ACTMAP: variants seen among roughly 807,000 people sequenced by gnomAD.
ACTMAP encodes actin maturation protease, also known as UPF0692 protein C19orf54.
chr19:40,743,990 A>C, the ACTMAP span: 13 of 1,613,972 alleles, frequency 8.1e-6, no homozygotes, highest in Non-Finnish European at 1.1e-5. Context: ...TGCTGGCATT[A>C]AGGTAAAAAC....
the ACTMAP span, chr19:40,744,877 CT>C: frequency 1.1e-6 from 1 of 909,764 alleles, no homozygotes; most frequent in Non-Finnish European, 1.6e-6. Context: ...GAGAGGTCAC[CT>C]GAGCTTCCTG....
the ACTMAP span, chr19:40,744,018 A>G: frequency 1.9e-6 from 3 of 1,613,842 alleles, no homozygotes; most frequent in Non-Finnish European, 1.7e-6. Context: ...TGGCCCTGGG[A>G]CCCACCCTTT....
the ACTMAP span, chr19:40,750,002 A>C: frequency 1.5e-4 from 70 of 467,184 alleles, no homozygotes; most frequent in Admixed American, 6.5e-4. Context: ...GACTCAAGTC[A>C]TAAGGCACCT....
chr19:40,749,409 C>T, the ACTMAP span: 5 of 1,415,196 alleles, frequency 3.5e-6, no homozygotes, highest in Admixed American at 5.0e-5. Flanking sequence ...CGGGAACCCC[C>T]CCCCCACCCC....
chr19:40,741,640 G>T, the ACTMAP span: 4 of 442,216 alleles, frequency 9.0e-6, no homozygotes, highest in Admixed American at 9.5e-5. Flanking sequence ...ATAATGTTCA[G>T]GGAGCCAGGA....
the ACTMAP span, chr19:40,742,536 G>A: frequency 6.3e-7 from 1 of 1,579,314 alleles, no homozygotes; most frequent in Non-Finnish European, 8.6e-7. Context: ...AGTGGCCCGT[G>A]AGGGCGAGAA....
the ACTMAP span, chr19:40,742,510 C>G: frequency 4.0e-5 from 61 of 1,535,362 alleles, no homozygotes; most frequent in South Asian, 7.8e-4. Flanking sequence ...ACGGGCACCA[C>G]GTACACCCGG....
chr19:40,747,980 T>A, the ACTMAP span, among the ~76,000 whole-genome samples: 1 of 152,210 alleles, frequency 6.6e-6, no homozygotes, highest in African/African-American at 2.4e-5. Context: ...TTCACTTCTA[T>A]GAGCCTCAGT....
the ACTMAP span, among the ~76,000 whole-genome samples, chr19:40,747,269 G>C: frequency 6.6e-6 from 1 of 151,818 alleles, no homozygotes; most frequent in African/African-American, 2.4e-5. Flanking sequence ...GGGTGCAGCA[G>C]CTCACGCCTG....
At chr19:40,745,004 C>G in the ACTMAP span, 1 of 1,213,250 alleles carries the variant, frequency 8.2e-7, no homozygotes, top group Non-Finnish European at 1.2e-6. Context: ...AAAGTTCCCC[C>G]TTTCCTTCCC....
the ACTMAP span, chr19:40,744,064 TA>T: frequency 6.2e-6 from 10 of 1,613,856 alleles, no homozygotes; most frequent in Non-Finnish European, 8.5e-6. Context: ...GGCCCTGGGA[TA>T]CGGGATGAGC....
chr19:40,741,132 T>C, the ACTMAP span: 1 of 399,904 alleles, frequency 2.5e-6, no homozygotes. Context: ...CTCTTTACCC[T>C]GATCACTGGT....
chr19:40,743,881 GCAGA>G, the ACTMAP span: 13 of 1,612,298 alleles, frequency 8.1e-6, no homozygotes, highest in Admixed American at 1.7e-5. Context: ...GTTGAGGGGT[GCAGA>G]CAAAGGAGGG....
the ACTMAP span, chr19:40,743,904 C>A: frequency 6.2e-7 from 1 of 1,613,990 alleles, no homozygotes; most frequent in Admixed American, 1.7e-5. Flanking sequence ...GGGGAACCCA[C>A]CTGCACTCAC....
the ACTMAP span, among the ~76,000 whole-genome samples, chr19:40,748,814 G>A: frequency 6.6e-5 from 10 of 152,022 alleles, no homozygotes; most frequent in Admixed American, 3.3e-4. Context: ...GCATTTGCAC[G>A]ACTTGCTCAA....
chr19:40,744,974 G>T, the ACTMAP span: 1 of 884,620 alleles, frequency 1.1e-6, no homozygotes, highest in Non-Finnish European at 1.8e-6. Context: ...TACTATGCAG[G>T]CACTCAGAAG....
chr19:40,749,773 G>T, the ACTMAP span: 1 of 1,472,256 alleles, frequency 6.8e-7, no homozygotes, highest in Non-Finnish European at 9.0e-7. Context: ...GAAATTGGTG[G>T]TTTTAGGGGA....
chr19:40,749,414 C>A, the ACTMAP span: 99 of 1,425,020 alleles, frequency 6.9e-5, 1 homozygote, highest in Admixed American at 3.3e-4. Context: ...ACCCCCCCCC[C>A]ACCCCAAGAG....
At chr19:40,746,312 T>C in the ACTMAP span, among the ~76,000 whole-genome samples, 1 of 151,640 alleles carries the variant, frequency 6.6e-6, no homozygotes, top group African/African-American at 2.4e-5. Flanking sequence ...CTCCGCCTCC[T>C]GGGTTCAAGC....
Sources: gnomAD v4.1 joint callset for allele counts (sites outside exome capture counted in the v4.1 genomes callset) on GRCh38, gnomAD v4.1.1 for gene constraint, MANE v1.5 for transcripts, NCBI Gene and HGNC (gene_info 2026-07-23, HGNC 2026-07-21) for gene names.